The following EFCAB11 variants were observed in gnomAD, a reference collection of about 807,000 sequenced individuals.
EFCAB11 encodes the protein EF-hand calcium-binding domain-containing protein 11.
Under a neutral mutation model 23.0 loss-of-function variants are expected in EFCAB11, and 14 were observed. The observed-to-expected ratio is 0.61, with a 90% CI of 0.40 to 0.95. The LOEUF (loss-of-function observed/expected upper bound fraction) is 0.95. Among genes scored for constraint, EFCAB11 ranks in the 40% least tolerant of loss-of-function variants. The pLI is 0.00. For missense variants in EFCAB11, 198 were observed against 195.8 expected, an observed-to-expected ratio of 1.01 and a Z score of -0.07; for synonymous variants, 65 against 66.6, an observed-to-expected ratio of 0.98 and a Z score of 0.11.
intron 3 of EFCAB11, among the ~76,000 whole-genome samples, chr14:89,945,904 A>G (rs192290487): frequency 6.0e-5 from 9 of 148,786 alleles, no homozygotes; most frequent in South Asian, 2.1e-4. Context: ...AATTTCCATT[A>G]TTAGGGGATT....
chr14:89,928,827 ATAAT>A (rs1375483871), intron 5 of EFCAB11, among the ~76,000 whole-genome samples: 2 of 146,900 alleles, frequency 1.4e-5, no homozygotes, highest in African/African-American at 5.0e-5. Flanking sequence ...ATATAATTAA[ATAAT>A]TATATATTAC....
At position 89,797,167 on chromosome 14, in the gene EFCAB11, A is replaced by T; in HGVS notation, c.*76T>A. On this transcript the variant is annotated 3_prime_UTR_variant, in exon 6 of 6. Transcript: ENST00000316738. Reference sequence around the variant, plus strand: ...TTTAATCACAAGTCTGTAGCATGACATCATTAGTAGAGTCGAGTCTGCTGA... The same window carrying T: ...TTTAATCACAAGTCTGTAGCATGACTTCATTAGTAGAGTCGAGTCTGCTGA... The T allele has an allele frequency of 7.3e-7, 1 of 1,365,566 alleles. No homozygotes were observed. Among genetic ancestry groups the T allele is most frequent in the South Asian group, 1.3e-5 (1 of 79,798 alleles). The allele number at this position is 1,365,566 out of a possible 1,614,324, so 84.6% of individuals were successfully genotyped here.
chr14:89,954,697 G>T lies in EFCAB11; in HGVS notation c.-37C>A. 3 of 1,596,858 alleles carry T rather than the reference G, an allele frequency of 1.9e-6. No individual in the cohort carries two copies. The highest frequency in any genetic ancestry group is 1.7e-6 in the Non-Finnish European group (2 of 1,174,270). ...CAACCGAGCCCCAGCAACCCAACCA[G>T]CTACCACCGCTTTCCCAGCCTGGCT... On this transcript the variant is annotated 5_prime_UTR_variant, in exon 1 of 6. In the 5' UTR this introduces an upstream ATG that the reference lacks. Transcript: ENST00000316738.
At chr14:89,878,898 T>A (rs986991247) in intron 5 of EFCAB11, among the ~76,000 whole-genome samples, 7 of 152,138 alleles carry the variant, frequency 4.6e-5, no homozygotes, top group Admixed American at 2.6e-4. Flanking sequence ...TTCTTTTTTT[T>A]AATTGCTTGT....
intron 5 of EFCAB11, among the ~76,000 whole-genome samples, chr14:89,925,098 A>G (rs1405543011): frequency 6.6e-6 from 1 of 152,250 alleles, no homozygotes; most frequent in Non-Finnish European, 1.5e-5. Context: ...AGAGAAAGAA[A>G]GGCTTTATTG....
At chr14:89,802,528 A>G (rs1210192349) in intron 5 of EFCAB11, among the ~76,000 whole-genome samples, 1 of 152,114 alleles carries the variant, frequency 6.6e-6, no homozygotes, top group Non-Finnish European at 1.5e-5. Context: ...AGTAGCTGGG[A>G]TTACAGGCAT....
intron 5 of EFCAB11, among the ~76,000 whole-genome samples, chr14:89,926,597 C>T (rs956522990): frequency 6.6e-6 from 1 of 151,882 alleles, no homozygotes; most frequent in Admixed American, 6.6e-5. Flanking sequence ...TGAAAATACA[C>T]GAAGAGACAT....
At chr14:89,938,200 C>T (rs770759292) in intron 3 of EFCAB11, 1 of 151,966 alleles carries the variant, frequency 6.6e-6, no homozygotes. Flanking sequence ...CAATAAAAAT[C>T]GCAAGTTATT....
chr14:89,885,841 G>C (rs1888752117), intron 5 of EFCAB11, among the ~76,000 whole-genome samples: 1 of 149,956 alleles, frequency 6.7e-6, no homozygotes, highest in South Asian at 2.1e-4. Context: ...AAAGAAAGAA[G>C]ACAGCAACTT....
intron 5 of EFCAB11, among the ~76,000 whole-genome samples, chr14:89,840,998 GCA>G (rs1887243147): frequency 6.6e-6 from 1 of 152,132 alleles, no homozygotes; most frequent in South Asian, 2.1e-4. Context: ...CCATGCTTGG[GCA>G]CTCTGGGGAG....
At position 89,954,626 on chromosome 14, in the gene EFCAB11, G is replaced by A; in HGVS notation, c.35C>T (p.Thr12Met). ...GTGTTCCGAGGGACTGGCTTCCCAC[G>A]TCCGCGACCTGGCTCTGGCCTCGGA... is the stretch of plus-strand genomic sequence containing the variant. ...FFSEARARSR[T>M]WEASPSEHRK... Residue 12 changes from threonine to methionine, a missense_variant, in exon 1 of 6, where the codon ACG (threonine) becomes ATG (methionine). Thr to Met is a moderately conservative substitution (Grantham distance 81). Coordinates refer to ENST00000316738, the MANE Select transcript of EFCAB11 (RefSeq NM_145231.4). 6.2e-7 allele frequency: 1 copy of A among 1,613,536 alleles called. No individual in the cohort carries two copies. The highest frequency in any genetic ancestry group is 2.2e-5 in the East Asian group (1 of 44,874).
intron 5 of EFCAB11, among the ~76,000 whole-genome samples, chr14:89,862,707 A>C (rs1220809305): frequency 6.6e-6 from 1 of 152,218 alleles, no homozygotes; most frequent in Admixed American, 6.5e-5. Flanking sequence ...AGATCTTGTA[A>C]AATTTGAGCA....
intron 5 of EFCAB11, among the ~76,000 whole-genome samples, chr14:89,813,576 A>G (rs1371176334): frequency 1.3e-5 from 2 of 151,968 alleles, no homozygotes; most frequent in Non-Finnish European, 2.9e-5. Context: ...TCTATTTCCA[A>G]CATATTCTAT....
intron 3 of EFCAB11, among the ~76,000 whole-genome samples, chr14:89,942,005 C>T (rs1488901283): frequency 6.6e-6 from 1 of 152,020 alleles, no homozygotes; most frequent in African/African-American, 2.4e-5. Context: ...TTGTTCTCAC[C>T]AGATCTGGTT....
intron 5 of EFCAB11, chr14:89,924,008 A>C: frequency 1.0e-6 from 1 of 985,426 alleles, no homozygotes; most frequent in Non-Finnish European, 1.2e-6. Context: ...TGTTTTACCC[A>C]AGCTGGTGAC....
At chr14:89,867,874 G>C (rs1396338620) in intron 5 of EFCAB11, among the ~76,000 whole-genome samples, 1 of 152,156 alleles carries the variant, frequency 6.6e-6, no homozygotes, top group Admixed American at 6.5e-5. Flanking sequence ...ACTGAAGAAG[G>C]GGTGAGCTTA....
chr14:89,826,185 C>T (rs1371652114), intron 5 of EFCAB11, among the ~76,000 whole-genome samples: 1 of 150,796 alleles, frequency 6.6e-6, no homozygotes, highest in African/African-American at 2.4e-5. Context: ...TGAAATGTAT[C>T]ATATATATAT....
At chr14:89,948,475 A>AAT (rs1306206720) in intron 3 of EFCAB11, among the ~76,000 whole-genome samples, 4 of 152,236 alleles carry the variant, frequency 2.6e-5, no homozygotes, top group Non-Finnish European at 5.9e-5. Flanking sequence ...CAGCAATCCC[A>AAT]CTGCTGGGTA....
chr14:89,868,668 C>T (rs933772323), intron 5 of EFCAB11, among the ~76,000 whole-genome samples: 1 of 152,178 alleles, frequency 6.6e-6, no homozygotes, highest in African/African-American at 2.4e-5. Flanking sequence ...GTTTTACGTG[C>T]TCTGTATGCC....
Sources: gnomAD v4.1 joint callset for allele counts (sites outside exome capture counted in the v4.1 genomes callset) on GRCh38, gnomAD v4.1.1 for gene constraint, MANE v1.5 for transcripts, NCBI Gene and HGNC (gene_info 2026-07-23, HGNC 2026-07-21) for gene names.